Variants in NELL1 observed in about 807,000 individuals in gnomAD.
NELL1 encodes neural EGFL like 1.
In NELL1, 76 loss-of-function variants were observed where a neutral mutation model predicts 107.4. The observed-to-expected ratio is 0.71, with a 90% confidence interval of 0.59 to 0.86. The LOEUF is 0.86. NELL1 is among the 40% of genes least tolerant of loss of function. The pLI, the probability that NELL1 is intolerant of heterozygous loss-of-function variation, is 0.00. For synonymous variants in NELL1, 353 were observed against 341.2 expected (o/e 1.03, Z -0.38); for missense variants, 1,024 against 1,005.5 (o/e 1.02, Z -0.25).
At chr11:21,526,613 G>C (rs146403337) in intron 15 of NELL1, among the ~76,000 whole-genome samples, 4 of 152,168 alleles carry the variant, frequency 2.6e-5, no homozygotes, top group African/African-American at 7.2e-5. Flanking sequence ...AGGCATTTCC[G>C]TACATCCTCT....
intron 15 of NELL1, among the ~76,000 whole-genome samples, chr11:21,528,522 C>CTCCCT (rs1564942818): frequency 2.7e-5 from 3 of 113,108 alleles, no homozygotes; most frequent in South Asian, 3.2e-4. Context: ...CCCCCCCCCC[C>CTCCCT]TTTTTTTTTT....
intron 14 of NELL1, among the ~76,000 whole-genome samples, chr11:21,292,193 A>G (rs559486889): frequency 1.3e-5 from 2 of 152,304 alleles, no homozygotes; most frequent in South Asian, 4.1e-4. Flanking sequence ...TGTCAGCCCA[A>G]AATCTCCTTA....
chr11:21,392,490 A>T (rs1373956282), intron 15 of NELL1, among the ~76,000 whole-genome samples: 1 of 151,794 alleles, frequency 6.6e-6, no homozygotes, highest in Non-Finnish European at 1.5e-5. Flanking sequence ...TGCTTTACCC[A>T]AGAGGGTTTA....
chr11:20,707,931 C>T (rs1457267737), intron 2 of NELL1, among the ~76,000 whole-genome samples: 2 of 152,220 alleles, frequency 1.3e-5, no homozygotes, highest in Non-Finnish European at 2.9e-5. Flanking sequence ...TCAGCTATGC[C>T]CTGCCCCCAG....
chr11:21,548,042 A>G lies in NELL1; in HGVS notation c.1787-12147A>G, dbSNP rs1213433808. 2.0e-5 allele frequency among the ~76,000 whole-genome samples: 3 copies of G among 152,048 alleles called. No homozygotes were observed. In the East Asian group the frequency reaches 5.9e-4, roughly 30 times the overall value. ...TTTTCCTGCTAAAAAAAAATCCTCAAGATAATGAGAGTAGCATTATCAAAC... is the reference window on the plus strand; with the variant it reads ...TTTTCCTGCTAAAAAAAAATCCTCAGGATAATGAGAGTAGCATTATCAAAC... On this transcript the variant is annotated intron_variant, in intron 16 of 19. Coordinates refer to ENST00000357134, the MANE Select transcript of NELL1 (RefSeq NM_006157.5).
chr11:21,477,166 C>G (rs139983832), intron 15 of NELL1, among the ~76,000 whole-genome samples: 122 of 152,202 alleles, frequency 8.0e-4, no homozygotes, highest in African/African-American at 2.7e-3. Context: ...CAAGCCCAGA[C>G]AGTACAACTC....
chr11:21,558,186 AGTAG>A (rs570600131), intron 16 of NELL1, among the ~76,000 whole-genome samples: 71 of 152,106 alleles, frequency 4.7e-4, no homozygotes, highest in African/African-American at 1.3e-3. Context: ...GACAAGAAAA[AGTAG>A]GGAAAGAGAG....
chr11:21,419,603 A>G (rs868618031), intron 15 of NELL1, among the ~76,000 whole-genome samples: 1 of 152,150 alleles, frequency 6.6e-6, no homozygotes, highest in African/African-American at 2.4e-5. Flanking sequence ...ACTGGTCCCA[A>G]GGAGAAACAG....
At chr11:21,472,273 ACCCTCCT>A (rs1564911182) in intron 15 of NELL1, among the ~76,000 whole-genome samples, 6 of 151,800 alleles carry the variant, frequency 4.0e-5, no homozygotes, top group African/African-American at 1.2e-4. Flanking sequence ...TAATGAGCAA[ACCCTCCT>A]CTGCCTCCAG....
chr11:20,948,196 C>T (rs1851002332), intron 11 of NELL1, among the ~76,000 whole-genome samples: 1 of 151,856 alleles, frequency 6.6e-6, no homozygotes, highest in South Asian at 2.1e-4. Flanking sequence ...AGGCATACAC[C>T]ATCACACCCA....
At chr11:20,692,455 G>C in intron 2 of NELL1, among the ~76,000 whole-genome samples, 1 of 151,612 alleles carries the variant, frequency 6.6e-6, no homozygotes, top group South Asian at 2.1e-4. Context: ...ACACTGCTTT[G>C]AATGTGTCCC....
At chr11:21,391,998 T>C (rs1278373308) in intron 15 of NELL1, among the ~76,000 whole-genome samples, 1 of 151,830 alleles carries the variant, frequency 6.6e-6, no homozygotes, top group African/African-American at 2.4e-5. Context: ...TCCTATAAAT[T>C]AATTAAATTT....
At chr11:20,746,846 C>T (rs146667896) in intron 2 of NELL1, among the ~76,000 whole-genome samples, 1 of 152,262 alleles carries the variant, frequency 6.6e-6, no homozygotes, top group Non-Finnish European at 1.5e-5. Flanking sequence ...TGGTTCTACA[C>T]CATTATATCC....
chr11:20,711,178 T>G (rs1855104837), intron 2 of NELL1, among the ~76,000 whole-genome samples: 1 of 152,148 alleles, frequency 6.6e-6, no homozygotes, highest in African/African-American at 2.4e-5. Context: ...TGAACTTTCC[T>G]CCTAGAACCA....
In NELL1 at chr11:21,188,278, C is replaced by T. The variant is rs558490427; in HGVS notation, c.1427-41054C>T. 3.0e-4 allele frequency among the ~76,000 whole-genome samples: 45 copies of T among 151,938 alleles called. 1 individual carries two copies. Among genetic ancestry groups the T allele is most frequent in the Admixed American group, 1.9e-3 (29 of 15,274 alleles). On this transcript the variant is annotated intron_variant, in intron 13 of 19. Coordinates refer to ENST00000357134, the MANE Select transcript of NELL1 (RefSeq NM_006157.5). ...TCAGTCACTGTGCCTGGGGCTGGGACAGTTCTCATGATTCTGGTTGGAATT... is the reference window on the plus strand; with the variant it reads ...TCAGTCACTGTGCCTGGGGCTGGGATAGTTCTCATGATTCTGGTTGGAATT...
chr11:20,828,758 A>T (rs1235974130), intron 3 of NELL1, among the ~76,000 whole-genome samples: 1 of 152,152 alleles, frequency 6.6e-6, no homozygotes, highest in Non-Finnish European at 1.5e-5. Context: ...TTAGTGTCTC[A>T]CTTTCTATCT....
At chr11:20,869,148 A>G (rs762504194) in intron 4 of NELL1, among the ~76,000 whole-genome samples, 3 of 152,184 alleles carry the variant, frequency 2.0e-5, no homozygotes, top group Non-Finnish European at 4.4e-5. Flanking sequence ...TTCATCAAGT[A>G]GTTCATTTAT....
intron 4 of NELL1, among the ~76,000 whole-genome samples, chr11:20,867,689 T>C (rs1287019278): frequency 6.6e-6 from 1 of 152,228 alleles, no homozygotes; most frequent in African/African-American, 2.4e-5. Context: ...GGTGTGCATA[T>C]GGAGGAATAA....
At chr11:21,005,558 T>G (rs900814257) in intron 12 of NELL1, among the ~76,000 whole-genome samples, 1 of 152,190 alleles carries the variant, frequency 6.6e-6, no homozygotes, top group African/African-American at 2.4e-5. Flanking sequence ...CTTGTCTTTA[T>G]AAATGGGTAG....
Sources: allele counts gnomAD v4.1 joint callset (sites outside exome capture counted in the v4.1 genomes callset), GRCh38; gene constraint gnomAD v4.1.1; transcripts MANE v1.5; gene names NCBI Gene and HGNC (gene_info 2026-07-23, HGNC 2026-07-21).